Variants in DMD observed in about 807,000 individuals in gnomAD.
The protein encoded by DMD is mutant dystrophin.
DMD carries 63 observed loss-of-function variants against 330.1 expected under a neutral mutation model. The ratio of observed to expected loss-of-function variants is 0.19; its 90% CI spans 0.16 to 0.24. The LOEUF (loss-of-function observed/expected upper bound fraction) is 0.24. Ranked by LOEUF, DMD falls within the 10% of genes least tolerant of loss-of-function variation. The pLI, the probability that DMD is intolerant of heterozygous loss-of-function variation, is 1.00. For missense variants in DMD, 3,344 were observed against 2,684.1 expected (o/e 1.25, Z -5.43); for synonymous variants, 1,223 against 959.8 (o/e 1.27, Z -5.07).
At chrX:32,239,123 A>G (rs1323051807) in intron 43 of DMD, among the ~76,000 whole-genome samples, 1 of 111,702 alleles carries the variant, frequency 9.0e-6, no homozygotes, top group Non-Finnish European at 1.9e-5. Context: ...ACAAGAGGCC[A>G]GTAGTACATC....
In DMD at chrX:31,121,881, C is replaced by T. The variant is rs16989352; in HGVS notation, c.*38G>A. Reference sequence around the variant, plus strand: ...TCATGACTGATACTAAGGACTCCATCGCTCTGCCCAAATCATCTGCCATGT... The same window carrying T: ...TCATGACTGATACTAAGGACTCCATTGCTCTGCCCAAATCATCTGCCATGT... On this transcript the variant is annotated 3_prime_UTR_variant, in exon 79 of 79. Transcript: ENST00000357033. 2,266 of 1,207,863 alleles carry T rather than the reference C, an allele frequency of 1.9e-3. 19 individuals carry two copies. In the African/African-American group the frequency reaches 0.024, roughly 13 times the overall value.
intron 55 of DMD, among the ~76,000 whole-genome samples, chrX:31,584,273 G>A (rs12690307): frequency 0.067 from 6,701 of 100,263 alleles, 182 homozygotes; most frequent in African/African-American, 0.11. Context: ...CCCACCCCCC[G>A]ACAGGCCTCA....
At chrX:31,479,339 T>C (rs1432526282) in intron 57 of DMD, among the ~76,000 whole-genome samples, 1 of 112,055 alleles carries the variant, frequency 8.9e-6, no homozygotes, top group African/African-American at 3.2e-5. Context: ...TTCTGGATAG[T>C]TAATGCCCTC....
At chrX:32,695,551 A>T (rs912031621) in intron 9 of DMD, among the ~76,000 whole-genome samples, 5 of 111,667 alleles carry the variant, frequency 4.5e-5, no homozygotes, top group African/African-American at 6.5e-5. Flanking sequence ...GAATAACATT[A>T]AAAAATGGAC....
intron 2 of DMD, among the ~76,000 whole-genome samples, chrX:32,954,463 G>T (rs925227910): frequency 2.7e-5 from 3 of 111,825 alleles, no homozygotes; most frequent in Non-Finnish European, 5.6e-5. Flanking sequence ...ACCCACTAAG[G>T]CTCCAGTGAG....
intron 52 of DMD, among the ~76,000 whole-genome samples, chrX:31,684,729 C>A (rs1251504868): frequency 3.6e-5 from 4 of 112,176 alleles, no homozygotes; most frequent in Non-Finnish European, 1.9e-5. Context: ...TTAAACGGAA[C>A]AAATACTGGG....
At chrX:32,273,772 G>A (rs934839644) in intron 43 of DMD, among the ~76,000 whole-genome samples, 1 of 112,058 alleles carries the variant, frequency 8.9e-6, no homozygotes, top group African/African-American at 3.2e-5. Flanking sequence ...ATTCCACCAA[G>A]TAAAGATAAC....
chrX:32,801,764 G>A (rs2076585372), intron 7 of DMD, among the ~76,000 whole-genome samples: 1 of 111,178 alleles, frequency 9.0e-6, no homozygotes, highest in South Asian at 3.7e-4. Flanking sequence ...ATTAAATAGG[G>A]AATGCTTTCC....
In DMD at chrX:33,155,089, C is replaced by T. The variant is rs1413029134; in HGVS notation, c.31+56193G>A. ...CTTACATTCTCCCCATGGATTCACA[C>T]AGCTCTACCCTGATTTGTGGCTAAT... is the stretch of plus-strand genomic sequence containing the variant. On this transcript the variant is annotated intron_variant, in intron 1 of 78. Coordinates refer to ENST00000357033, the MANE Select transcript of DMD (RefSeq NM_004006.3). Among the ~76,000 whole-genome samples the T allele has an allele frequency of 4.5e-5, 5 of 111,895 alleles. No individual in the cohort carries two copies. The East Asian group carries it at 1.4e-3, about 31-fold the overall frequency.
intron 74 of DMD, among the ~76,000 whole-genome samples, chrX:31,162,776 C>T (rs1017688245): frequency 1.8e-5 from 2 of 111,797 alleles, no homozygotes; most frequent in Admixed American, 9.5e-5. Flanking sequence ...AATAAACTTT[C>T]ATTCTGGGTT....
chrX:32,010,429 C>T (rs2095698131), intron 44 of DMD, among the ~76,000 whole-genome samples: 1 of 111,508 alleles, frequency 9.0e-6, no homozygotes, highest in Non-Finnish European at 1.9e-5. Flanking sequence ...ATCAGACACT[C>T]TCTCTCCCCG....
intron 44 of DMD, among the ~76,000 whole-genome samples, chrX:32,185,302 A>C (rs192846346): frequency 1.9e-3 from 211 of 111,369 alleles, no homozygotes; most frequent in African/African-American, 6.4e-3. Flanking sequence ...ATTTAGAAAC[A>C]ACATTGCCAG....
chrX:32,915,852 G>T (rs2087749012), intron 2 of DMD, among the ~76,000 whole-genome samples: 1 of 111,625 alleles, frequency 9.0e-6, no homozygotes, highest in South Asian at 3.7e-4. Flanking sequence ...AATATTTCAA[G>T]TGCCATAAAT....
At chrX:32,220,971 T>G (rs1465010441) in intron 43 of DMD, among the ~76,000 whole-genome samples, 7 of 111,651 alleles carry the variant, frequency 6.3e-5, no homozygotes, top group Non-Finnish European at 1.3e-4. Flanking sequence ...TTGCAAATAT[T>G]AAAATTCTCA....
chrX:32,123,202 C>CATATATATATATATATATATATAT (rs59017074), intron 44 of DMD, among the ~76,000 whole-genome samples: 8 of 32,561 alleles, frequency 2.5e-4, no homozygotes, highest in Admixed American at 4.1e-4. Flanking sequence ...TGTGAGCATG[C>CATATATATATATATATATATATAT]ATATATATAT....
rs546167465 is a variant in DMD, at chrX:32,794,992, A to G, written c.649+14501T>C. Among the ~76,000 whole-genome samples, 3 of 112,421 alleles carry G rather than the reference A, an allele frequency of 2.7e-5. No individual in the cohort carries two copies. The South Asian group carries it at 1.1e-3, about 41-fold the overall frequency. On this transcript the variant is annotated intron_variant, in intron 7 of 78. Transcript: ENST00000357033. ...TCCGTATAAAATACAGAACACTGAC[A>G]AAACAAATTGAAGAGTACACCAACA... is the stretch of plus-strand genomic sequence containing the variant.
At chrX:31,987,991 A>T (rs1460752318) in intron 44 of DMD, among the ~76,000 whole-genome samples, 2 of 111,966 alleles carry the variant, frequency 1.8e-5, no homozygotes, top group Non-Finnish European at 3.8e-5. Flanking sequence ...ATGCAATGGG[A>T]TATTATTGAG....
chrX:32,902,619 A>G (rs980068341), intron 2 of DMD, among the ~76,000 whole-genome samples: 7 of 110,468 alleles, frequency 6.3e-5, no homozygotes, highest in Non-Finnish European at 1.3e-4. Context: ...CCCAAAGAAG[A>G]AGCCATCTTT....
intron 41 of DMD, among the ~76,000 whole-genome samples, chrX:32,320,495 T>C (rs1241515950): frequency 8.9e-6 from 1 of 111,951 alleles, no homozygotes; most frequent in African/African-American, 3.2e-5. Flanking sequence ...CAATAGCTAC[T>C]TTATTGGACA....
Sources: allele counts gnomAD v4.1 joint callset (sites outside exome capture counted in the v4.1 genomes callset), GRCh38; gene constraint gnomAD v4.1.1; transcripts MANE v1.5; gene names NCBI Gene and HGNC (gene_info 2026-07-23, HGNC 2026-07-21).